Variants in GPATCH1 observed in about 807,000 individuals in gnomAD.
The protein encoded by GPATCH1 is G patch domain-containing protein 1.
GPATCH1 carries 73 observed loss-of-function variants against 114.9 expected under a neutral mutation model. The observed-to-expected ratio is 0.64, with a 90% CI of 0.53 to 0.77. GPATCH1 has a LOEUF of 0.77. Among genes scored for constraint, GPATCH1 ranks in the 30% least tolerant of loss-of-function variants. The pLI is 0.00. For synonymous variants in GPATCH1, 391 were observed against 428.4 expected, an observed-to-expected ratio of 0.91 and a Z score of 1.08; for missense variants, 1,058 against 1,144.3, an observed-to-expected ratio of 0.92 and a Z score of 1.09.
chr19:33,081,230 G>C lies in GPATCH1; in HGVS notation c.37G>C (p.Val13Leu), dbSNP rs199931929. The C allele has an allele frequency of 1.9e-6, 3 of 1,551,818 alleles. No individual in the cohort carries two copies. The African/African-American group carries it at 4.1e-5, about 21-fold the overall frequency. The change falls in exon 1 of 20, where the codon GTC (valine) becomes CTC (leucine). Residue 13 changes from valine to leucine, a missense_variant. Transcript: ENST00000170564. Reference protein sequence around the residue: ...ARDSDSEEDLVSYGTGLEPLE... With the variant: ...ARDSDSEEDLLSYGTGLEPLE... ...GGACAGTGACAGCGAAGAAGATCTG[G>C]TCAGCTATGGGACCGGGCTGGAGCC...
chr19:33,109,949 C>T lies in GPATCH1; in HGVS notation c.1518C>T (p.Phe506=), dbSNP rs370371324. ...ATLKASNFKP[F]AKDPEKQKRY... ...TAAAAGCCAGCAACTTCAAGCCTTT[C>T]GCCAAAGATCCGGAAAAGCAAAAGC... Residue 506 remains phenylalanine (F), a synonymous_variant, in exon 11 of 20, where the codon TTC becomes TTT. Coordinates refer to ENST00000170564, the MANE Select transcript of GPATCH1 (RefSeq NM_018025.3). 74 of 1,613,990 alleles carry T rather than the reference C, an allele frequency of 4.6e-5. No individual in the cohort carries two copies. Among genetic ancestry groups the T allele is most frequent in the Non-Finnish European group, 5.8e-5 (68 of 1,180,010 alleles).
At chr19:33,129,658 C>T (rs1272695901) in intron 19 of GPATCH1, among the ~76,000 whole-genome samples, 1 of 151,474 alleles carries the variant, frequency 6.6e-6, no homozygotes, top group Non-Finnish European at 1.5e-5. Flanking sequence ...ATTTTAAGAA[C>T]ACAGATTGGC....
At chr19:33,094,354 AG>A in intron 5 of GPATCH1, 85 bp downstream of exon 5, 1 of 758,074 alleles carries the variant, frequency 1.3e-6, no homozygotes. Context: ...TCTGTCGCCC[AG>A]GCTGGAGTGC....
rs889510531 is a variant in GPATCH1, at chr19:33,117,833, C to G, written c.2205C>G (p.Asn735Lys). The part of the protein sequence containing the change: ...APELSANQTV[N>K]KDVDAQAEGE... ...TTTCACTGTCAATACAGACCGTCAA[C>G]AAAGATGTGGACGCACAGGCTGAAG... is the stretch of plus-strand genomic sequence containing the variant. The change falls in exon 16 of 20, where the codon AAC (asparagine) becomes AAG (lysine). Residue 735 changes from asparagine (N) to lysine (K), a missense_variant. By Grantham distance (94) the Asn-to-Lys change is moderately conservative. This residue lies in a region of GPATCH1 where 893 missense variants were observed against 977.4 expected (regional missense o/e 0.91). Coordinates refer to ENST00000170564, the MANE Select transcript of GPATCH1 (RefSeq NM_018025.3). 6.2e-7 allele frequency: 1 copy of G among 1,612,390 alleles called. No individual in the cohort carries two copies. Among genetic ancestry groups the G allele is most frequent in the Non-Finnish European group, 8.5e-7 (1 of 1,179,156 alleles).
At chr19:33,084,775 C>G (rs1312257778) in intron 1 of GPATCH1, among the ~76,000 whole-genome samples, 1 of 152,032 alleles carries the variant, frequency 6.6e-6, no homozygotes, top group African/African-American at 2.4e-5. Flanking sequence ...ATTCTCCTGC[C>G]TCAGCCTCTT....
chr19:33,121,389 G>A (rs1246688024), intron 17 of GPATCH1, among the ~76,000 whole-genome samples: 3 of 144,302 alleles, frequency 2.1e-5, no homozygotes, highest in East Asian at 2.0e-4. Flanking sequence ...GCGCAATCTC[G>A]GCTCACCGCA....
chr19:33,090,343 A>G (rs554058609), intron 2 of GPATCH1, among the ~76,000 whole-genome samples: 19 of 152,284 alleles, frequency 1.2e-4, no homozygotes, highest in Middle Eastern at 3.4e-3. Flanking sequence ...GACTGATTAA[A>G]ACACCTTGAC....
At chr19:33,123,734 C>T (rs539456045) in intron 17 of GPATCH1, among the ~76,000 whole-genome samples, 16 of 147,986 alleles carry the variant, frequency 1.1e-4, no homozygotes, top group East Asian at 1.0e-3. Context: ...GGAGACAGAG[C>T]GAGAACCTAA....
intron 17 of GPATCH1, among the ~76,000 whole-genome samples, chr19:33,121,072 G>A (rs1599866363): frequency 6.7e-6 from 1 of 149,948 alleles, no homozygotes; most frequent in South Asian, 2.1e-4. Context: ...AATTGGAGGG[G>A]AATTGCAAGA....
chr19:33,094,404 G>A (rs984844993), intron 5 of GPATCH1, 135 bp downstream of exon 5: 138 of 594,198 alleles, frequency 2.3e-4, no homozygotes, highest in African/African-American at 7.4e-4. Flanking sequence ...TTGACCTCCC[G>A]GGCTCAAGTG....
chr19:33,120,718 G>T (rs1409889573), intron 17 of GPATCH1, among the ~76,000 whole-genome samples: 1 of 151,848 alleles, frequency 6.6e-6, no homozygotes, highest in African/African-American at 2.4e-5. Context: ...GGGTGGGCAC[G>T]GTGGCTCACG....
Position 33,093,516 on chromosome 19 carries a change from C to T in GPATCH1, c.452C>T (p.Ala151Val). The T allele has an allele frequency of 6.2e-7, 1 of 1,610,092 alleles. No homozygotes were observed. Among genetic ancestry groups the T allele is most frequent in the South Asian group, 1.1e-5 (1 of 90,372 alleles). ...ATLLDDLITP[A>V]KLSVGFELLR... ...CTCCTTGATGACCTCATAACGCCAG[C>T]AAAGTGAGCATTTCCTTCTGACTGT... is the stretch of plus-strand genomic sequence containing the variant. Residue 151 changes from alanine (A) to valine (V), a missense_variant, in exon 4 of 20, where the codon GCA becomes GTA. By Grantham distance (64) the Ala-to-Val change is moderately conservative. Transcript: ENST00000170564.
rs1475777563 is a variant in GPATCH1, at chr19:33,101,491, G to A, written c.1001-4G>A. On this transcript the variant is annotated splice_polypyrimidine_tract_variant and splice_region_variant and intron_variant, in intron 8 of 19. Coordinates refer to ENST00000170564, the MANE Select transcript of GPATCH1 (RefSeq NM_018025.3). ...TGGAATTAATCTATGACATCATTTT[G>A]TAGAATCAGAGAAAGACCTTCGGTA... The A allele has an allele frequency of 6.5e-7, 1 of 1,527,276 alleles. No individual in the cohort carries two copies. Among genetic ancestry groups the A allele is most frequent in the Non-Finnish European group, 9.1e-7 (1 of 1,101,288 alleles). The allele number at this position is 1,527,276 out of a possible 1,614,324, so 94.6% of individuals were successfully genotyped here. A position where few individuals can be genotyped will look rare whatever the true frequency, so the allele number is the denominator to read the frequency against.
At chr19:33,116,019 AT>A (rs927720381) in intron 15 of GPATCH1, among the ~76,000 whole-genome samples, 7 of 138,084 alleles carry the variant, frequency 5.1e-5, no homozygotes, top group Non-Finnish European at 7.9e-5. Flanking sequence ...GAATTTTTCT[AT>A]TTTTTTTCTC....
chr19:33,086,872 G>T (rs1972539492), intron 1 of GPATCH1, among the ~76,000 whole-genome samples: 1 of 151,988 alleles, frequency 6.6e-6, no homozygotes, highest in Admixed American at 6.6e-5. Context: ...TACTTGGGAG[G>T]CTGAGGCAGG....
intron 19 of GPATCH1, 27 bp downstream of exon 19, chr19:33,126,760 T>C: frequency 5.7e-6 from 9 of 1,570,698 alleles, no homozygotes; most frequent in Non-Finnish European, 7.8e-6. Flanking sequence ...GGAGGGTTTT[T>C]CAGAAACCTT....
At chr19:33,085,869 A>G (rs1483295839) in intron 1 of GPATCH1, among the ~76,000 whole-genome samples, 5 of 152,128 alleles carry the variant, frequency 3.3e-5, no homozygotes, top group Non-Finnish European at 7.4e-5. Context: ...CTAGTTGGCC[A>G]CATTGCTTGG....
At position 33,130,213 on chromosome 19, in the gene GPATCH1, C is replaced by T; in HGVS notation, c.*53C>T. 2 of 1,270,776 alleles carry T rather than the reference C, an allele frequency of 1.6e-6. No individual in the cohort carries two copies. The highest frequency in any genetic ancestry group is 2.3e-6 in the Non-Finnish European group (2 of 867,204). The allele number at this position is 1,270,776 out of a possible 1,614,324, so 78.7% of individuals were successfully genotyped here. A position where few individuals can be genotyped will look rare whatever the true frequency, so the allele number is the denominator to read the frequency against. ...ATCATTTCTCCTCCATGATGGAAGC[C>T]CAGTGATTGTTCAGTTAACGCATTG... On this transcript the variant is annotated 3_prime_UTR_variant, in exon 20 of 20. Coordinates refer to ENST00000170564, the MANE Select transcript of GPATCH1 (RefSeq NM_018025.3).
chr19:33,084,056 T>A (rs1012452579), intron 1 of GPATCH1, among the ~76,000 whole-genome samples: 4 of 152,138 alleles, frequency 2.6e-5, no homozygotes, highest in Non-Finnish European at 5.9e-5. Flanking sequence ...GTGATCTGCC[T>A]GCCTCGGCCT....
Sources: allele counts gnomAD v4.1 joint callset (sites outside exome capture counted in the v4.1 genomes callset), GRCh38; gene constraint gnomAD v4.1.1; regional missense constraint gnomAD v4.1.1; transcripts MANE v1.5; gene names NCBI Gene and HGNC (gene_info 2026-07-23, HGNC 2026-07-21).